The following DMD variants were observed in gnomAD, a reference collection of about 807,000 sequenced individuals.
DMD encodes dystrophin.
In DMD, 63 loss-of-function variants were observed where a neutral mutation model predicts 330.1. The observed-to-expected ratio is 0.19, with a 90% confidence interval of 0.16 to 0.24. The LOEUF is 0.24. DMD is among the 10% of genes least tolerant of loss of function. The pLI, the probability that DMD is intolerant of heterozygous loss-of-function variation, is 1.00. For synonymous variants in DMD, 1,223 were observed against 959.8 expected (o/e 1.27, Z -5.07); for missense variants, 3,344 against 2,684.1 (o/e 1.25, Z -5.43).
rs764869559 is a variant in DMD at position 31,323,695 on chromosome X, G to A, written c.9164-37C>T. 5.3e-5 allele frequency: 60 copies of A among 1,125,647 alleles called. No individual in the cohort carries two copies. The South Asian group carries it at 1.1e-3, about 20-fold the overall frequency. 92.8% of individuals were successfully genotyped at this position (1,125,647 alleles called of 1,213,427 possible). A position where few individuals can be genotyped will look rare whatever the true frequency, so the allele number is the denominator to read the frequency against. On this transcript the variant is annotated intron_variant, in intron 61 of 78. Transcript: ENST00000357033. ...GGAGGAAAAAAAGAAAGGCAAGGAG[G>A]TCAAATTCATCGCAAACAGGAAAGA...
At chrX:32,742,718 T>C (rs897456506) in intron 7 of DMD, among the ~76,000 whole-genome samples, 3 of 111,947 alleles carry the variant, frequency 2.7e-5, no homozygotes, top group Non-Finnish European at 3.8e-5. Flanking sequence ...GCAGTAGGTA[T>C]AAGGAAAAAG....
intron 1 of DMD, among the ~76,000 whole-genome samples, chrX:33,267,385 C>T (rs1355638729): frequency 9.0e-6 from 1 of 110,813 alleles, no homozygotes; most frequent in Non-Finnish European, 1.9e-5. Flanking sequence ...GCATTCCATG[C>T]TCATTGGAAG....
At chrX:32,925,026 A>T (rs1026230533) in intron 2 of DMD, among the ~76,000 whole-genome samples, 11 of 110,398 alleles carry the variant, frequency 1.0e-4, no homozygotes, top group Non-Finnish European at 2.1e-4. Flanking sequence ...TTGGGGAAAA[A>T]GTAGAAGACA....
intron 45 of DMD, among the ~76,000 whole-genome samples, chrX:31,943,319 C>T (rs1039893303): frequency 2.7e-5 from 3 of 111,966 alleles, no homozygotes; most frequent in East Asian, 2.8e-4. Context: ...CAGTGGTATG[C>T]GAAGTCATGA....
chrX:33,105,295 T>C (rs1160535484), intron 1 of DMD, among the ~76,000 whole-genome samples: 1 of 111,639 alleles, frequency 9.0e-6, no homozygotes, highest in Non-Finnish European at 1.9e-5. Flanking sequence ...GATTAAAGAC[T>C]TAAGTCTAAG....
chrX:31,392,521 T>G (rs2060726864), intron 60 of DMD, among the ~76,000 whole-genome samples: 2 of 112,000 alleles, frequency 1.8e-5, no homozygotes, highest in Non-Finnish European at 3.8e-5. Flanking sequence ...CTGACCCTGG[T>G]GTCAAGATTG....
At chrX:32,792,227 G>GA (rs1410714929) in intron 7 of DMD, among the ~76,000 whole-genome samples, 1 of 111,226 alleles carries the variant, frequency 9.0e-6, no homozygotes, top group Admixed American at 9.5e-5. Flanking sequence ...GGCCTTACAA[G>GA]AAAGGTTTAA....
chrX:33,039,095 C>T (rs2094254068), intron 1 of DMD, among the ~76,000 whole-genome samples: 1 of 111,852 alleles, frequency 8.9e-6, no homozygotes, highest in Non-Finnish European at 1.9e-5. Flanking sequence ...CACCCGTAGC[C>T]TATGGGGGTT....
chrX:31,419,903 G>A (rs1292150599), intron 60 of DMD, among the ~76,000 whole-genome samples: 1 of 111,626 alleles, frequency 9.0e-6, no homozygotes, highest in African/African-American at 3.3e-5. Context: ...ATACGAGAGC[G>A]GGATGTATTA....
rs150049765 is a variant in DMD, at chrX:32,973,664, A to T, written c.93+46475T>A. Among the ~76,000 whole-genome samples, 119 of 112,133 alleles carry T rather than the reference A, an allele frequency of 1.1e-3. 2 individuals carry two copies. The East Asian group carries it at 0.023, about 22-fold the overall frequency. ...CAAGTCTTGACAGATGAGGCTATAG[A>T]TATTGCAGAGCATAAACAGAACATC... On this transcript the variant is annotated intron_variant, in intron 2 of 78. Transcript: ENST00000357033.
intron 60 of DMD, among the ~76,000 whole-genome samples, chrX:31,382,840 C>T (rs1414463362): frequency 1.8e-5 from 2 of 110,716 alleles, no homozygotes; most frequent in Non-Finnish European, 3.8e-5. Context: ...CTCTCCACAC[C>T]ACCCCGAAAA....
At chrX:31,499,389 G>C (rs909000440) in intron 56 of DMD, among the ~76,000 whole-genome samples, 6 of 110,727 alleles carry the variant, frequency 5.4e-5, no homozygotes, top group African/African-American at 2.0e-4. Flanking sequence ...TAAAATTCCA[G>C]TTCTAGGTTA....
chrX:33,203,096 A>G (rs1231437499), intron 1 of DMD, among the ~76,000 whole-genome samples: 3 of 111,695 alleles, frequency 2.7e-5, no homozygotes, highest in African/African-American at 9.8e-5. Flanking sequence ...AGGTATTTTT[A>G]CCATTTTTGC....
At chrX:32,726,659 A>G (rs1452275314) in intron 7 of DMD, among the ~76,000 whole-genome samples, 3 of 111,138 alleles carry the variant, frequency 2.7e-5, no homozygotes, top group East Asian at 5.6e-4. Flanking sequence ...GAGCAGTTAT[A>G]AGGACTGCAT....
At chrX:32,473,877 T>G (rs754514295) in intron 21 of DMD, among the ~76,000 whole-genome samples, 4 of 110,556 alleles carry the variant, frequency 3.6e-5, no homozygotes, top group Non-Finnish European at 7.6e-5. Context: ...AAGGTGGTAT[T>G]TGGTTACATG....
At chrX:32,836,859 C>T (rs985454440) in intron 4 of DMD, among the ~76,000 whole-genome samples, 5 of 111,694 alleles carry the variant, frequency 4.5e-5, no homozygotes, top group African/African-American at 1.3e-4. Flanking sequence ...ATATATTGCC[C>T]GTTTATAATT....
At chrX:32,835,619 G>A (rs745958516) in intron 4 of DMD, among the ~76,000 whole-genome samples, 1 of 111,949 alleles carries the variant, frequency 8.9e-6, no homozygotes, top group African/African-American at 3.3e-5. Flanking sequence ...TAGTGTCTGA[G>A]CTCTACAGAT....
At chrX:32,969,936 A>T (rs193257008) in intron 2 of DMD, among the ~76,000 whole-genome samples, 3 of 95,202 alleles carry the variant, frequency 3.2e-5, no homozygotes, top group Non-Finnish European at 6.0e-5. Context: ...AATGAAGGGC[A>T]AACTCCTTGA....
At chrX:32,172,623 T>C (rs2096891681) in intron 44 of DMD, among the ~76,000 whole-genome samples, 1 of 111,444 alleles carries the variant, frequency 9.0e-6, no homozygotes, top group Admixed American at 9.6e-5. Context: ...ACCCTCTTCA[T>C]CCTCTATTAT....
Sources: allele counts gnomAD v4.1 joint callset (sites outside exome capture counted in the v4.1 genomes callset), GRCh38; gene constraint gnomAD v4.1.1; transcripts MANE v1.5; gene names NCBI Gene and HGNC (gene_info 2026-07-23, HGNC 2026-07-21).